CCND3: variants seen among roughly 807,000 people sequenced by gnomAD.
The protein encoded by CCND3 is cyclin D3.
CCND3 carries 9 observed loss-of-function variants against 28.7 expected under a neutral mutation model. That is an observed-to-expected ratio of 0.31 (90% CI 0.19 to 0.55). CCND3 has a LOEUF of 0.55. Ranked by LOEUF, CCND3 falls within the 20% of genes least tolerant of loss-of-function variation. The probability of loss-of-function intolerance (pLI) is 0.93; values close to 1 mark genes in which losing one functional copy is unlikely to be tolerated. For synonymous variants in CCND3, 164 were observed against 163.9 expected, an observed-to-expected ratio of 1.00 and a Z score of 0.00; for missense variants, 315 against 385.8, an observed-to-expected ratio of 0.82 and a Z score of 1.54.
chr6:41,964,302 G>A (rs569698612), intron 1 of CCND3, among the ~76,000 whole-genome samples: 1 of 151,988 alleles, frequency 6.6e-6, no homozygotes, highest in Admixed American at 6.6e-5. Context: ...GTGAGTATGT[G>A]TGAATGTGTG....
chr6:41,941,500 C>T lies in CCND3; in HGVS notation c.150G>A (p.Arg50=). 1.9e-6 allele frequency: 3 copies of T among 1,608,566 alleles called. No homozygotes were observed. Among genetic ancestry groups the T allele is most frequent in the East Asian group, 2.2e-5 (1 of 44,576 alleles). ...PRASYFQCVQ[R]EIKPHMRKML... Reference sequence around the variant, plus strand: ...TCTTCCGCATGTGCGGCTTGATCTCCCGCTGCACGCACTGGAAGTAGGAGG... The same window carrying T: ...TCTTCCGCATGTGCGGCTTGATCTCTCGCTGCACGCACTGGAAGTAGGAGG... Residue 50 remains arginine (R), a synonymous_variant, in exon 1 of 5, where the codon CGG becomes CGA. Transcript: ENST00000372991. This position sits in a 1 kb window ranked among gnomAD's most constrained non-coding sequence, Gnocchi z 6.1.
In CCND3 at chr6:41,938,282, A is replaced by G. The variant is rs1371906349; in HGVS notation, c.415-888T>C. ...CACATGAGGATTTCTTCATTGTTTT[A>G]TCTCAGGAAGGAACTTGTGGGTTTG... On this transcript the variant is annotated intron_variant, in intron 2 of 4. Coordinates refer to ENST00000372991, the MANE Select transcript of CCND3 (RefSeq NM_001760.5). This position sits in a 1 kb window ranked among gnomAD's most constrained non-coding sequence, Gnocchi z 4.6. 1 of 152,090 alleles carries G rather than the reference A, an allele frequency of 6.6e-6. No homozygotes were observed. Among genetic ancestry groups the G allele is most frequent in the African/African-American group, 2.4e-5 (1 of 41,388 alleles). 9.4% of individuals were successfully genotyped at this position (152,090 alleles called of 1,614,324 possible).
Position 41,941,187 on chromosome 6 carries a change from T to G in CCND3, c.198+265A>C, listed in dbSNP as rs1582089168. The G allele has an allele frequency of 1.4e-6, 2 of 1,444,264 alleles. No homozygotes were observed. The highest frequency in any genetic ancestry group is 2.9e-5 in the South Asian group (2 of 68,276). 89.5% of individuals were successfully genotyped at this position (1,444,264 alleles called of 1,614,324 possible). Reference sequence around the variant, plus strand: ...CTGTGAGAAGCCGAAGGGGAGAGAGTGTCCTTGGTCCCGTTTGCTCGGCCC... The same window carrying G: ...CTGTGAGAAGCCGAAGGGGAGAGAGGGTCCTTGGTCCCGTTTGCTCGGCCC... On this transcript the variant is annotated intron_variant, in intron 1 of 4. Coordinates refer to ENST00000372991, the MANE Select transcript of CCND3 (RefSeq NM_001760.5). The surrounding 1 kb of genome is among the most constrained non-coding windows in gnomAD (Gnocchi z 6.1).
chr6:41,953,332 T>A (rs1776362675), intron 1 of CCND3, among the ~76,000 whole-genome samples: 2 of 151,078 alleles, frequency 1.3e-5, no homozygotes, highest in South Asian at 2.1e-4. Flanking sequence ...AGGACCTGGC[T>A]CTGTCCCAAC....
At chr6:42,000,593 G>GTT (rs1171929891) in intron 1 of CCND3, among the ~76,000 whole-genome samples, 2 of 93,394 alleles carry the variant, frequency 2.1e-5, no homozygotes, top group African/African-American at 9.0e-5. Context: ...CTGAGACGGA[G>GTT]TTTCACTCTT....
At chr6:41,992,955 C>T (rs966479773) in intron 1 of CCND3, among the ~76,000 whole-genome samples, 1 of 152,160 alleles carries the variant, frequency 6.6e-6, no homozygotes, top group Non-Finnish European at 1.5e-5. Context: ...TTCATCCAGG[C>T]TGGAGTGCAG....
chr6:41,941,098 G>A lies in CCND3; in HGVS notation c.198+354C>T. On this transcript the variant is annotated intron_variant, in intron 1 of 4. Coordinates refer to ENST00000372991, the MANE Select transcript of CCND3 (RefSeq NM_001760.5). This position sits in a 1 kb window ranked among gnomAD's most constrained non-coding sequence, Gnocchi z 6.1. Reference sequence around the variant, plus strand: ...AACCGGCTCCCGGGCGGGGGCGGCCGAGCCCAGGGTTTTCCAGGCGCGCTC... The same window carrying A: ...AACCGGCTCCCGGGCGGGGGCGGCCAAGCCCAGGGTTTTCCAGGCGCGCTC... 2 of 1,542,604 alleles carry A rather than the reference G, an allele frequency of 1.3e-6. No individual in the cohort carries two copies. Among genetic ancestry groups the A allele is most frequent in the East Asian group, 2.3e-5 (1 of 44,116 alleles).
At chr6:41,976,322 A>G (rs2127410059) in intron 1 of CCND3, among the ~76,000 whole-genome samples, 1 of 152,202 alleles carries the variant, frequency 6.6e-6, no homozygotes, top group South Asian at 2.1e-4. Flanking sequence ...ACTGCACTCC[A>G]GCCTGGGCGA....
intron 1 of CCND3, among the ~76,000 whole-genome samples, chr6:41,995,871 CAG>C (rs1762784776): frequency 6.6e-6 from 1 of 151,790 alleles, no homozygotes; most frequent in Admixed American, 6.6e-5. Context: ...CTGGCCAACA[CAG>C]AGAGACCCTG....
At chr6:41,994,842 G>T (rs1033454706) in intron 1 of CCND3, among the ~76,000 whole-genome samples, 5 of 152,080 alleles carry the variant, frequency 3.3e-5, no homozygotes, top group Admixed American at 1.3e-4. Flanking sequence ...GGGAGTCCGA[G>T]GTGGGCAGAT....
rs780389977 is a variant in CCND3 at position 41,976,273 on chromosome 6, A to T, written c.-45-35688T>A. On this transcript the variant is annotated intron_variant, in intron 1 of 4. Coordinates refer to the CCND3 transcript ENST00000372988. ...AGGCTGAGGCAGAAGAATCGCTTGA[A>T]CCTGGGAGGTGGAGGTTGCAGCGAG... Among the ~76,000 whole-genome samples, 7 of 151,714 alleles carry T rather than the reference A, an allele frequency of 4.6e-5. No homozygotes were observed. In the East Asian group the frequency reaches 5.8e-4, roughly 13 times the overall value.
At chr6:41,952,984 G>A (rs137911774) in intron 1 of CCND3, among the ~76,000 whole-genome samples, 2 of 152,294 alleles carry the variant, frequency 1.3e-5, no homozygotes, top group East Asian at 3.9e-4. Flanking sequence ...AAATAAAACT[G>A]CAAAACAGGG....
chr6:41,943,274 T>A (rs1174349795), upstream of CCND3, among the ~76,000 whole-genome samples: 1 of 152,212 alleles, frequency 6.6e-6, no homozygotes, highest in Non-Finnish European at 1.5e-5. Context: ...AAGGAAATAA[T>A]CATTTGCAAT....
At chr6:42,037,962 C>T (rs1764273000) in intron 1 of CCND3, among the ~76,000 whole-genome samples, 3 of 145,236 alleles carry the variant, frequency 2.1e-5, no homozygotes, top group South Asian at 4.4e-4. Context: ...ACCCGGGAGG[C>T]GGAGGTTGCA....
Position 41,935,792 on chromosome 6 carries a change from G to A in CCND3, c.*148C>T. ...CCGGGCCCCTTAGTGCACACTGCGGGGATGGGTAGGACCAGATCCCTTGGG... is the reference window on the plus strand; with the variant it reads ...CCGGGCCCCTTAGTGCACACTGCGGAGATGGGTAGGACCAGATCCCTTGGG... On this transcript the variant is annotated 3_prime_UTR_variant, in exon 5 of 5. Transcript: ENST00000372991. The A allele has an allele frequency of 3.9e-6, 3 of 761,932 alleles. No individual in the cohort carries two copies. Among genetic ancestry groups the A allele is most frequent in the Middle Eastern group, 3.5e-4 (1 of 2,894 alleles). The allele number at this position is 761,932 out of a possible 1,614,324, so 47.2% of individuals were successfully genotyped here.
At chr6:42,049,438 T>C (rs1046439970), upstream of CCND3, among the ~76,000 whole-genome samples, 6 of 152,182 alleles carry the variant, frequency 3.9e-5, no homozygotes, top group African/African-American at 1.4e-4. Flanking sequence ...TGAGACACAC[T>C]GAGGATTAAG....
intron 2 of CCND3, 199 bp from the exon 3 acceptor site, chr6:41,937,593 C>A: frequency 1.6e-6 from 1 of 609,544 alleles, no homozygotes; most frequent in Non-Finnish European, 2.9e-6. Flanking sequence ...TGAGCACTTA[C>A]TGATCATTTA....
At chr6:41,997,251 C>A (rs1283952739) in intron 1 of CCND3, among the ~76,000 whole-genome samples, 4 of 152,202 alleles carry the variant, frequency 2.6e-5, no homozygotes, top group Non-Finnish European at 5.9e-5. Context: ...TCATAATGCA[C>A]CTTTGTATGA....
chr6:42,003,555 AAAAAAAAG>A (rs1447924407), intron 1 of CCND3, among the ~76,000 whole-genome samples: 6 of 126,774 alleles, frequency 4.7e-5, no homozygotes, highest in Admixed American at 8.2e-5. Flanking sequence ...AAAAAAAAAA[AAAAAAAAG>A]AACAGCAGAA....
Sources: allele counts gnomAD v4.1 joint callset (sites outside exome capture counted in the v4.1 genomes callset), GRCh38; gene constraint gnomAD v4.1.1; non-coding constraint Gnocchi (gnomAD v3.1); transcripts MANE v1.5; gene names NCBI Gene and HGNC (gene_info 2026-07-23, HGNC 2026-07-21).